Variants in ASAP1 observed in about 807,000 individuals in gnomAD.
The protein encoded by ASAP1 is ArfGAP with SH3 domain, ankyrin repeat and PH domain 1.
Under a neutral mutation model 145.2 loss-of-function variants are expected in ASAP1, and 43 were observed. The observed-to-expected ratio is 0.30, with a 90% confidence interval of 0.23 to 0.38. The LOEUF (loss-of-function observed/expected upper bound fraction) is 0.38. Ranked by LOEUF, ASAP1 falls within the 10% of genes least tolerant of loss-of-function variation. The pLI is 1.00. For missense variants in ASAP1, 1,018 were observed against 1,355.3 expected, an observed-to-expected ratio of 0.75 and a Z score of 3.91; for synonymous variants, 546 against 515.5, an observed-to-expected ratio of 1.06 and a Z score of -0.80.
intron 3 of ASAP1, among the ~76,000 whole-genome samples, chr8:130,337,128 C>G (rs1276201751): frequency 1.3e-5 from 2 of 152,108 alleles, no homozygotes; most frequent in Non-Finnish European, 2.9e-5. Flanking sequence ...GCTTGGGCAT[C>G]AACAGCAAGA....
At chr8:130,324,452 T>G (rs1407499708) in intron 3 of ASAP1, among the ~76,000 whole-genome samples, 2 of 152,094 alleles carry the variant, frequency 1.3e-5, no homozygotes, top group Admixed American at 1.3e-4. Flanking sequence ...TTTTAAAAGG[T>G]TTAAAGATGA....
intron 1 of ASAP1, among the ~76,000 whole-genome samples, chr8:130,439,581 A>C (rs1179637512): frequency 7.7e-6 from 1 of 129,922 alleles, no homozygotes; most frequent in Non-Finnish European, 1.7e-5. Flanking sequence ...TAAGATATTA[A>C]AAAAAAAAGG....
intron 11 of ASAP1, chr8:130,160,791 A>T: frequency 1.6e-6 from 2 of 1,284,780 alleles, no homozygotes; most frequent in Non-Finnish European, 2.0e-6. Context: ...TTACTCTCCT[A>T]GACTTCGATC....
intron 3 of ASAP1, among the ~76,000 whole-genome samples, chr8:130,257,623 C>G (rs577243178): frequency 1.3e-5 from 2 of 151,846 alleles, no homozygotes; most frequent in South Asian, 4.2e-4. Flanking sequence ...AATGCTGTTG[C>G]GAAAAAAAGG....
intron 3 of ASAP1, among the ~76,000 whole-genome samples, chr8:130,279,386 G>A (rs1454925517): frequency 6.6e-6 from 1 of 152,186 alleles, no homozygotes; most frequent in African/African-American, 2.4e-5. Context: ...TGGCAACGAG[G>A]GAATGTGAGG....
chr8:130,185,395 T>C (rs566073150), intron 7 of ASAP1, among the ~76,000 whole-genome samples: 1 of 152,284 alleles, frequency 6.6e-6, no homozygotes, highest in South Asian at 2.1e-4. Flanking sequence ...ATAATGTGGT[T>C]GTGGTCTTCA....
At chr8:130,430,887 C>T (rs939093570) in intron 1 of ASAP1, among the ~76,000 whole-genome samples, 1 of 152,196 alleles carries the variant, frequency 6.6e-6, no homozygotes, top group African/African-American at 2.4e-5. Context: ...AGCTCCACTT[C>T]CTGTTCCACT....
At chr8:130,294,429 C>T (rs570425339) in intron 3 of ASAP1, among the ~76,000 whole-genome samples, 1 of 152,318 alleles carries the variant, frequency 6.6e-6, no homozygotes, top group Admixed American at 6.5e-5. Flanking sequence ...AAGTGTGATA[C>T]AGTAGAAATA....
chr8:130,077,973 G>A (rs570214878), intron 26 of ASAP1, among the ~76,000 whole-genome samples: 2 of 151,496 alleles, frequency 1.3e-5, no homozygotes, highest in South Asian at 4.2e-4. Context: ...TTCACAATCA[G>A]CTTGATTTTG....
intron 5 of ASAP1, among the ~76,000 whole-genome samples, chr8:130,189,499 G>A (rs1191069965): frequency 6.6e-6 from 1 of 152,004 alleles, no homozygotes; most frequent in East Asian, 1.9e-4. Context: ...TGTTTTTTAT[G>A]GCTGAATAAT....
At chr8:130,070,177 C>T (rs1015658467) in intron 27 of ASAP1, among the ~76,000 whole-genome samples, 6 of 152,184 alleles carry the variant, frequency 3.9e-5, no homozygotes, top group Non-Finnish European at 8.8e-5. Flanking sequence ...GCTGGGACTA[C>T]AGGCGCCCGT....
At chr8:130,340,613 T>A (rs1327779583) in intron 3 of ASAP1, among the ~76,000 whole-genome samples, 1 of 152,208 alleles carries the variant, frequency 6.6e-6, no homozygotes, top group East Asian at 1.9e-4. Flanking sequence ...ATCTCCTTTT[T>A]AAAAAGGCTA....
intron 3 of ASAP1, among the ~76,000 whole-genome samples, chr8:130,331,164 T>C (rs1444116693): frequency 6.6e-6 from 1 of 152,194 alleles, no homozygotes; most frequent in Non-Finnish European, 1.5e-5. Context: ...TCTTAAGTGT[T>C]GTGGGCTCCA....
chr8:130,118,135 T>G, intron 20 of ASAP1, 26 bp downstream of exon 20: 1 of 1,597,216 alleles, frequency 6.3e-7, no homozygotes, highest in Non-Finnish European at 8.6e-7. Context: ...ATTCAGGTAA[T>G]TCAACAGAGA....
chr8:130,345,589 C>T (rs1825659201), intron 3 of ASAP1, among the ~76,000 whole-genome samples: 1 of 152,160 alleles, frequency 6.6e-6, no homozygotes, highest in Non-Finnish European at 1.5e-5. Flanking sequence ...GCTATGGAGC[C>T]AGGCAAACCC....
intron 3 of ASAP1, among the ~76,000 whole-genome samples, chr8:130,266,399 G>A (rs1005967681): frequency 6.6e-6 from 1 of 152,070 alleles, no homozygotes; most frequent in African/African-American, 2.4e-5. Flanking sequence ...GTGGTTGTAG[G>A]GGGGAGGGTT....
At chr8:130,225,693 T>C (rs1227256952) in intron 4 of ASAP1, among the ~76,000 whole-genome samples, 3 of 152,144 alleles carry the variant, frequency 2.0e-5, no homozygotes, top group Non-Finnish European at 4.4e-5. Context: ...TGAATAGTTG[T>C]TTAACAAGTA....
At chr8:130,122,205 T>A (rs1443723140) in intron 18 of ASAP1, among the ~76,000 whole-genome samples, 2 of 152,176 alleles carry the variant, frequency 1.3e-5, no homozygotes, top group Non-Finnish European at 2.9e-5. Context: ...CCTAATACAA[T>A]GTGTAATTGT....
rs551464063 is a variant in ASAP1 at position 130,079,886 on chromosome 8, C to G, written c.2642+16G>C. On this transcript the variant is annotated intron_variant, in intron 26 of 29. Coordinates refer to ENST00000518721, the MANE Select transcript of ASAP1 (RefSeq NM_018482.4). ...AATGGATCCAACAGGGGAAATGAAG[C>G]GCTGAGATGGCTTACCTCGACTGCT... 14 of 1,611,788 alleles carry G rather than the reference C, an allele frequency of 8.7e-6. No homozygotes were observed. Among genetic ancestry groups the G allele is most frequent in the Non-Finnish European group, 1.1e-5 (13 of 1,177,908 alleles).
Sources: allele counts gnomAD v4.1 joint callset (sites outside exome capture counted in the v4.1 genomes callset), GRCh38; gene constraint gnomAD v4.1.1; transcripts MANE v1.5; gene names NCBI Gene and HGNC (gene_info 2026-07-23, HGNC 2026-07-21).